The following ABCB1 variants were observed in gnomAD, a reference collection of about 807,000 sequenced individuals.
ABCB1 encodes the protein ATP binding cassette subfamily B member 1, also known as ATP-dependent translocase ABCB1.
A neutral mutation model predicts 142.0 loss-of-function variants in ABCB1; 69 were observed. That is an observed-to-expected ratio of 0.49 (90% CI 0.40 to 0.59). The LOEUF is 0.59. Ranked by LOEUF, ABCB1 falls within the 20% of genes least tolerant of loss-of-function variation. The probability of loss-of-function intolerance (pLI) is 0.00; values close to 1 mark genes in which losing one functional copy is unlikely to be tolerated. For missense variants in ABCB1, 1,326 were observed against 1,554.7 expected (o/e 0.85, Z 2.47); for synonymous variants, 532 against 539.2 (o/e 0.99, Z 0.18).
intron 25 of ABCB1, among the ~76,000 whole-genome samples, 197 bp from the exon 26 acceptor site, chr7:87,509,678 G>A (rs1814919567): frequency 6.6e-6 from 1 of 152,198 alleles, no homozygotes; most frequent in Non-Finnish European, 1.5e-5. Flanking sequence ...CATGTTTCCT[G>A]TGTTTCAACC....
chr7:87,587,688 A>G (rs531057268), intron 3 of ABCB1, among the ~76,000 whole-genome samples: 139 of 152,080 alleles, frequency 9.1e-4, no homozygotes, highest in African/African-American at 1.8e-3. Flanking sequence ...TGGCTAACAC[A>G]GTGAAACCCC....
rs58207635 is a variant in ABCB1, at chr7:87,516,728, C to T, written c.2928-63G>A. 4.3e-4 allele frequency: 447 copies of T among 1,030,386 alleles called. 6 individuals carry two copies. In the African/African-American group the frequency reaches 0.011, roughly 26 times the overall value. 63.8% of individuals were successfully genotyped at this position (1,030,386 alleles called of 1,614,324 possible). A position where few individuals can be genotyped will look rare whatever the true frequency, so the allele number is the denominator to read the frequency against. ...CCATCACAATGCTAGAAAGCTGACA[C>T]TCCTTTTTTTTTTTTTTTTTTTTTT... is the stretch of plus-strand genomic sequence containing the variant. On this transcript the variant is annotated intron_variant, in intron 23 of 27. Transcript: ENST00000622132.
intron 1 of ABCB1, among the ~76,000 whole-genome samples, chr7:87,634,372 A>G (rs940445479): frequency 6.6e-5 from 10 of 151,706 alleles, no homozygotes; most frequent in Admixed American, 6.6e-4. Context: ...CTGTAATCCT[A>G]GGACTTTGGG....
rs539494376 is a variant in ABCB1 at position 87,668,227 on chromosome 7, G to A, written c.-331+44934C>T. Among the ~76,000 whole-genome samples, 8 of 151,882 alleles carry A rather than the reference G, an allele frequency of 5.3e-5. No homozygotes were observed. The South Asian group carries it at 1.0e-3, about 20-fold the overall frequency. On this transcript the variant is annotated intron_variant, in intron 1 of 28. Coordinates refer to the ABCB1 transcript ENST00000265724. ...GGCTCTGTCTTGAGAGAGTGTATACGTCCAGGAATTTACTCATCTCTTCTA... is the reference window on the plus strand; with the variant it reads ...GGCTCTGTCTTGAGAGAGTGTATACATCCAGGAATTTACTCATCTCTTCTA...
At chr7:87,712,358 A>G (rs1253253879) in intron 1 of ABCB1, among the ~76,000 whole-genome samples, 1 of 152,134 alleles carries the variant, frequency 6.6e-6, no homozygotes, top group African/African-American at 2.4e-5. Flanking sequence ...TCATTATGAA[A>G]CTTGATAAGC....
chr7:87,620,117 G>T (rs1023510819), intron 1 of ABCB1, among the ~76,000 whole-genome samples: 4 of 151,744 alleles, frequency 2.6e-5, no homozygotes, highest in Non-Finnish European at 4.4e-5. Flanking sequence ...TGAAAATCCT[G>T]TTTAGACGTT....
chr7:87,619,278 A>C (rs1164156323), intron 1 of ABCB1, among the ~76,000 whole-genome samples: 1 of 152,062 alleles, frequency 6.6e-6, no homozygotes, highest in African/African-American at 2.4e-5. Flanking sequence ...AGTGGCTCAC[A>C]CCCATAATCT....
At chr7:87,686,868 C>T (rs1201129799) in intron 1 of ABCB1, among the ~76,000 whole-genome samples, 1 of 150,906 alleles carries the variant, frequency 6.6e-6, no homozygotes, top group Non-Finnish European at 1.5e-5. Flanking sequence ...TCACCTGAGC[C>T]CAAGGAGACC....
chr7:87,601,358 T>C (rs1819450425), upstream of ABCB1, among the ~76,000 whole-genome samples: 1 of 152,212 alleles, frequency 6.6e-6, no homozygotes, highest in African/African-American at 2.4e-5. Flanking sequence ...GTTTCTGAGT[T>C]ACATCTGTTC....
chr7:87,573,777 A>T (rs1274373236), intron 4 of ABCB1, among the ~76,000 whole-genome samples: 1 of 152,032 alleles, frequency 6.6e-6, no homozygotes, highest in Admixed American at 6.6e-5. Context: ...TTACCCCCAC[A>T]CCTATCTCCT....
At chr7:87,566,720 A>C in intron 6 of ABCB1, 65 bp downstream of exon 6, 1 of 1,466,348 alleles carries the variant, frequency 6.8e-7, no homozygotes, top group Non-Finnish European at 9.5e-7. Flanking sequence ...AGATGTGATG[A>C]CATCTATTTC....
At chr7:87,582,828 T>C (rs1818569156) in intron 4 of ABCB1, among the ~76,000 whole-genome samples, 1 of 152,222 alleles carries the variant, frequency 6.6e-6, no homozygotes, top group African/African-American at 2.4e-5. Flanking sequence ...TTTTTTTCAA[T>C]GATTTCAAAA....
rs548562814 is a variant in ABCB1, at chr7:87,536,316, G to A, written c.2481+142C>T. ...AATAGTTAACATGTTGCTACAAAAA[G>A]CATGTGATATATTCGTAGGTTAGAT... On this transcript the variant is annotated intron_variant, in intron 20 of 27. Transcript: ENST00000622132. 9.8e-5 allele frequency: 74 copies of A among 757,248 alleles called. No individual in the cohort carries two copies. In the African/African-American group the frequency reaches 1.2e-3, roughly 12 times the overall value. The allele number at this position is 757,248 out of a possible 1,614,324, so 46.9% of individuals were successfully genotyped here.
intron 7 of ABCB1, among the ~76,000 whole-genome samples, chr7:87,561,918 C>T (rs1055386495): frequency 1.3e-4 from 20 of 152,174 alleles, no homozygotes; most frequent in African/African-American, 3.4e-4. Context: ...CCTAGGAGGA[C>T]GAGGCTGCCG....
At chr7:87,661,359 T>C (rs1445094186) in intron 1 of ABCB1, among the ~76,000 whole-genome samples, 2 of 151,910 alleles carry the variant, frequency 1.3e-5, no homozygotes, top group African/African-American at 2.4e-5. Context: ...ATCTTATTAG[T>C]TCTATCTAAC....
rs542372579 is a variant in ABCB1, at chr7:87,578,549, G to C, written c.286+6963C>G. On this transcript the variant is annotated intron_variant, in intron 4 of 27. Coordinates refer to ENST00000622132, the MANE Select transcript of ABCB1 (RefSeq NM_001348946.2). ...TCCATTCTTCCAATCAATGAACATG[G>C]AGTATCTTTCCATTTTTTGTGTCCT... is the stretch of plus-strand genomic sequence containing the variant. Among the ~76,000 whole-genome samples, 150 of 152,138 alleles carry C rather than the reference G, an allele frequency of 9.9e-4. 1 individual carries two copies. Among genetic ancestry groups the C allele is most frequent in the Middle Eastern group, 3.4e-3 (1 of 294 alleles).
In ABCB1 at chr7:87,671,339, G is replaced by A. The variant is rs1175084270; in HGVS notation, c.-331+41822C>T. On this transcript the variant is annotated intron_variant, in intron 1 of 28. Transcript: ENST00000265724. ...TCAGAGAGGCTTTTAGTTTCCCCTA[G>A]AGGCCCTGTCCAGGGAGTTGCCAAG... 2.6e-5 allele frequency among the ~76,000 whole-genome samples: 4 copies of A among 152,200 alleles called. No individual in the cohort carries two copies. In the East Asian group the frequency reaches 7.7e-4, roughly 29 times the overall value.
intron 1 of ABCB1, among the ~76,000 whole-genome samples, chr7:87,623,512 C>T (rs141284889): frequency 5.1e-4 from 77 of 152,322 alleles, no homozygotes; most frequent in African/African-American, 1.3e-3. Context: ...GAGCACGCTT[C>T]GCGCTTCCTG....
chr7:87,650,599 C>T (rs535028868), intron 1 of ABCB1, among the ~76,000 whole-genome samples: 2 of 152,100 alleles, frequency 1.3e-5, no homozygotes, highest in Non-Finnish European at 2.9e-5. Context: ...TGGGAGTACA[C>T]AAACATTCTG....
Sources: allele counts gnomAD v4.1 joint callset (sites outside exome capture counted in the v4.1 genomes callset), GRCh38; gene constraint gnomAD v4.1.1; transcripts MANE v1.5; gene names NCBI Gene and HGNC (gene_info 2026-07-23, HGNC 2026-07-21).